Variants in DYNC1I1 observed in about 807,000 individuals in gnomAD.
The protein encoded by DYNC1I1 is cytoplasmic dynein 1 intermediate chain 1.
In DYNC1I1, 43 loss-of-function variants were observed where a neutral mutation model predicts 86.6. That is an observed-to-expected ratio of 0.50 (90% CI 0.39 to 0.64). The LOEUF is 0.64. Ranked by LOEUF, DYNC1I1 falls within the 30% of genes least tolerant of loss-of-function variation. The pLI, the probability that DYNC1I1 is intolerant of heterozygous loss-of-function variation, is 0.00. For synonymous variants in DYNC1I1, 262 were observed against 283.7 expected (o/e 0.92, Z 0.77); for missense variants, 604 against 788.8 (o/e 0.77, Z 2.81).
chr7:95,913,348 G>T (rs1370772165), intron 6 of DYNC1I1, among the ~76,000 whole-genome samples: 1 of 152,158 alleles, frequency 6.6e-6, no homozygotes, highest in East Asian at 1.9e-4. Flanking sequence ...AAGAGAGCTG[G>T]ACATGGTAAT....
At chr7:95,959,808 T>A (rs76947509) in intron 6 of DYNC1I1, among the ~76,000 whole-genome samples, 4,108 of 152,272 alleles carry the variant, frequency 0.027, 79 homozygotes, top group South Asian at 0.1. Context: ...AATGAGAGAA[T>A]CATTGAGAAG....
At chr7:95,798,491 T>G (rs1302006604) in intron 1 of DYNC1I1, among the ~76,000 whole-genome samples, 2 of 152,096 alleles carry the variant, frequency 1.3e-5, no homozygotes, top group African/African-American at 4.8e-5. Flanking sequence ...CACGTATCTG[T>G]GGCAGATGAA....
chr7:95,944,348 T>G (rs1466502226), intron 6 of DYNC1I1, among the ~76,000 whole-genome samples: 1 of 151,874 alleles, frequency 6.6e-6, no homozygotes, highest in African/African-American at 2.4e-5. Context: ...CCAGTTAGAA[T>G]GGCAATCATT....
chr7:95,884,331 AG>A, intron 6 of DYNC1I1, among the ~76,000 whole-genome samples: 1 of 152,276 alleles, frequency 6.6e-6, no homozygotes, highest in South Asian at 2.1e-4. Context: ...AGATGAGCTC[AG>A]ATTGGAGGAG....
At chr7:95,974,227 T>C (rs181389345) in intron 6 of DYNC1I1, among the ~76,000 whole-genome samples, 1 of 152,262 alleles carries the variant, frequency 6.6e-6, no homozygotes, top group East Asian at 1.9e-4. Context: ...TTTTTATTTG[T>C]TTTTGGTTTC....
At chr7:95,809,435 C>T (rs1488641492) in intron 2 of DYNC1I1, among the ~76,000 whole-genome samples, 1 of 152,160 alleles carries the variant, frequency 6.6e-6, no homozygotes, top group Non-Finnish European at 1.5e-5. Context: ...TTAAGACAGC[C>T]TCACTTCTGT....
chr7:95,969,466 G>A (rs1156246748), intron 6 of DYNC1I1, among the ~76,000 whole-genome samples: 1 of 152,152 alleles, frequency 6.6e-6, no homozygotes, highest in Non-Finnish European at 1.5e-5. Context: ...ACACCGATCA[G>A]TCAAGCCTCC....
At chr7:95,840,205 A>G (rs1208041506) in intron 5 of DYNC1I1, among the ~76,000 whole-genome samples, 1 of 151,980 alleles carries the variant, frequency 6.6e-6, no homozygotes, top group African/African-American at 2.4e-5. Context: ...CATAATGCAT[A>G]TATTGCCACT....
chr7:95,955,238 C>T lies in DYNC1I1; in HGVS notation c.491-22274C>T, dbSNP rs182993641. The stretch of plus-strand genomic sequence containing the variant: ...TTGTATGAAAATACCATGTTGCCCA[C>T]GATAAAAATACACACTTTGTCATTT... On this transcript the variant is annotated intron_variant, in intron 6 of 16. Transcript: ENST00000447467. Among the ~76,000 whole-genome samples, 55 of 151,948 alleles carry T rather than the reference C, an allele frequency of 3.6e-4. No individual in the cohort carries two copies. In the East Asian group the frequency reaches 7.0e-3, roughly 19 times the overall value.
At chr7:95,992,072 C>T (rs377299386) in intron 9 of DYNC1I1, among the ~76,000 whole-genome samples, 48 of 152,166 alleles carry the variant, frequency 3.2e-4, no homozygotes, top group African/African-American at 1.1e-3. Flanking sequence ...GTTAGCCAGG[C>T]TGGTCTTGAA....
intron 6 of DYNC1I1, among the ~76,000 whole-genome samples, chr7:95,925,524 G>C (rs929814836): frequency 6.6e-6 from 1 of 152,132 alleles, no homozygotes; most frequent in Non-Finnish European, 1.5e-5. Context: ...TTTGGAATAG[G>C]TTCCTTCCCG....
intron 16 of DYNC1I1, among the ~76,000 whole-genome samples, chr7:96,085,789 GT>G (rs763965784): frequency 5.1e-4 from 77 of 152,268 alleles, no homozygotes; most frequent in Non-Finnish European, 8.8e-4. Flanking sequence ...TTCTGAATAA[GT>G]TTTGAGAAAT....
intron 14 of DYNC1I1, among the ~76,000 whole-genome samples, chr7:96,068,269 G>A (rs1790054043): frequency 6.6e-6 from 1 of 152,126 alleles, no homozygotes; most frequent in African/African-American, 2.4e-5. Context: ...AAAGCAGGAA[G>A]CATATTAAAT....
At chr7:96,003,304 C>G (rs981877537) in intron 10 of DYNC1I1, among the ~76,000 whole-genome samples, 1 of 152,220 alleles carries the variant, frequency 6.6e-6, no homozygotes, top group African/African-American at 2.4e-5. Flanking sequence ...AATGAACCCT[C>G]TTGTACCTAC....
At chr7:96,085,710 A>G (rs1468486563) in intron 16 of DYNC1I1, among the ~76,000 whole-genome samples, 3 of 152,176 alleles carry the variant, frequency 2.0e-5, no homozygotes, top group African/African-American at 7.2e-5. Context: ...TTCAAAAGTT[A>G]CTTACATAGA....
chr7:95,780,434 ATTTTTT>A (rs34375387), intron 1 of DYNC1I1, among the ~76,000 whole-genome samples: 11 of 129,780 alleles, frequency 8.5e-5, no homozygotes, highest in African/African-American at 2.3e-4. Flanking sequence ...CACCCGGCTA[ATTTTTT>A]TTTTTTTTTT....
chr7:95,930,392 C>T (rs891855895), intron 6 of DYNC1I1, among the ~76,000 whole-genome samples: 3 of 152,136 alleles, frequency 2.0e-5, no homozygotes, highest in Non-Finnish European at 2.9e-5. Context: ...TTTGGTAAGT[C>T]ATTTGTCAAT....
At chr7:95,933,747 C>A (rs1791965462) in intron 6 of DYNC1I1, among the ~76,000 whole-genome samples, 1 of 152,090 alleles carries the variant, frequency 6.6e-6, no homozygotes, top group African/African-American at 2.4e-5. Context: ...TATGTAAACA[C>A]TTAAAGTGAA....
chr7:96,091,612 G>A (rs569181847), intron 16 of DYNC1I1, among the ~76,000 whole-genome samples: 1 of 152,288 alleles, frequency 6.6e-6, no homozygotes, highest in African/African-American at 2.4e-5. Context: ...TTTTTACTAT[G>A]AAAAATATTG....
Sources: allele counts gnomAD v4.1 joint callset (sites outside exome capture counted in the v4.1 genomes callset), GRCh38; gene constraint gnomAD v4.1.1; transcripts MANE v1.5; gene names NCBI Gene and HGNC (gene_info 2026-07-23, HGNC 2026-07-21).